The following KDM2A variants were observed in gnomAD, a reference collection of about 807,000 sequenced individuals.
The protein encoded by KDM2A is lysine-specific demethylase 2A.
In KDM2A, 3 loss-of-function variants were observed where a neutral mutation model predicts 137.3. The ratio of observed to expected loss-of-function variants is 0.02; its 90% confidence interval spans 0.01 to 0.06. The LOEUF (loss-of-function observed/expected upper bound fraction) is 0.06, where lower values mean the gene tolerates loss of function less well. Ranked by LOEUF, KDM2A falls within the 10% of genes least tolerant of loss-of-function variation. The pLI is 1.00. For missense variants in KDM2A, 738 were observed against 1,510.6 expected (o/e 0.49, Z 8.48); for synonymous variants, 512 against 541.5 (o/e 0.95, Z 0.76).
intron 5 of KDM2A, among the ~76,000 whole-genome samples, chr11:67,202,905 G>C (rs762897417): frequency 6.6e-6 from 1 of 151,916 alleles, no homozygotes; most frequent in Non-Finnish European, 1.5e-5. Flanking sequence ...TAAGGTGGAA[G>C]GATTACCAGA....
At chr11:67,233,121 T>C (rs1429496762) in intron 12 of KDM2A, among the ~76,000 whole-genome samples, 1 of 152,190 alleles carries the variant, frequency 6.6e-6, no homozygotes, top group African/African-American at 2.4e-5. Context: ...TTTAAATCAG[T>C]GTTTGGAACA....
intron 2 of KDM2A, among the ~76,000 whole-genome samples, chr11:67,143,619 T>TTTTATTTA (rs959623132): frequency 7.9e-5 from 12 of 151,956 alleles, no homozygotes; most frequent in Non-Finnish European, 1.8e-4. Flanking sequence ...GTCTTTCTCT[T>TTTTATTTA]TTTATTTATT....
intron 2 of KDM2A, among the ~76,000 whole-genome samples, chr11:67,131,734 C>G (rs1293300658): frequency 6.6e-6 from 1 of 152,076 alleles, no homozygotes; most frequent in African/African-American, 2.4e-5. Context: ...TTCTTGCTAA[C>G]GTCTGTCTGC....
rs1325478869 is a variant in KDM2A at position 67,250,678 on chromosome 11, G to T, written c.2648G>T (p.Ser883Ile). 1.2e-6 allele frequency: 2 copies of T among 1,603,770 alleles called. No individual in the cohort carries two copies. ...GGAARLNGRG[S>I]WAQDGDESWM... ...GCAGCCAGGCTGAATGGCCGGGGCA[G>T]TTGGGCTCAGGATGGAGACGAAAGC... Residue 883 changes from serine to isoleucine, a missense_variant, in exon 17 of 21, where the codon AGT becomes ATT. This residue lies in a region of KDM2A where 244 missense variants were observed against 324.6 expected (regional missense o/e 0.75). Coordinates refer to ENST00000529006, the MANE Select transcript of KDM2A (RefSeq NM_012308.3). The surrounding 1 kb of genome is among the most constrained non-coding windows in gnomAD (Gnocchi z 7.1).
chr11:67,226,788 G>A (rs1858559531), intron 10 of KDM2A, among the ~76,000 whole-genome samples: 1 of 152,128 alleles, frequency 6.6e-6, no homozygotes, highest in African/African-American at 2.4e-5. Flanking sequence ...AAAATTAAAT[G>A]AGCACTGGCC....
intron 2 of KDM2A, among the ~76,000 whole-genome samples, chr11:67,136,610 A>C (rs771597482): frequency 3.3e-5 from 5 of 152,216 alleles, no homozygotes; most frequent in Non-Finnish European, 5.9e-5. Flanking sequence ...TTGAGTGATC[A>C]GTGAAAGGCT....
At chr11:67,154,741 G>T (rs1298639969) in intron 2 of KDM2A, among the ~76,000 whole-genome samples, 3 of 152,032 alleles carry the variant, frequency 2.0e-5, no homozygotes, top group Non-Finnish European at 4.4e-5. Flanking sequence ...GCCCAGCCTG[G>T]GTGTTTCATG....
chr11:67,252,975 A>G, intron 18 of KDM2A, 118 bp downstream of exon 18: 1 of 1,122,044 alleles, frequency 8.9e-7, no homozygotes, highest in Non-Finnish European at 1.2e-6. Context: ...CAGCAGTCCC[A>G]TGCCATTGTT....
At chr11:67,157,141 G>A (rs182728854) in intron 2 of KDM2A, among the ~76,000 whole-genome samples, 5 of 151,514 alleles carry the variant, frequency 3.3e-5, no homozygotes, top group Admixed American at 2.0e-4. Flanking sequence ...GTGAAACCCC[G>A]TCTCTACTAA....
chr11:67,254,077 G>C lies in KDM2A; in HGVS notation c.3092-126G>C. On this transcript the variant is annotated intron_variant, in intron 19 of 20. Coordinates refer to ENST00000529006, the MANE Select transcript of KDM2A (RefSeq NM_012308.3). The surrounding 1 kb of genome is among the most constrained non-coding windows in gnomAD (Gnocchi z 4.7). ...GCTCACACCCTGAAGGCATGGCTGG[G>C]TGTGGGCAGTTCTACTTAACCCCTT... 1.4e-6 allele frequency: 1 copy of C among 727,856 alleles called. No homozygotes were observed. The highest frequency in any genetic ancestry group is 2.2e-6 in the Non-Finnish European group (1 of 446,184). The allele number at this position is 727,856 out of a possible 1,614,324, so 45.1% of individuals were successfully genotyped here.
chr11:67,145,635 G>A (rs1565376952), intron 2 of KDM2A, among the ~76,000 whole-genome samples: 3 of 151,744 alleles, frequency 2.0e-5, no homozygotes, highest in African/African-American at 7.3e-5. Context: ...AACAAAGACT[G>A]GACACCTGGT....
chr11:67,242,097 T>C (rs545477032), intron 12 of KDM2A, among the ~76,000 whole-genome samples: 1 of 152,266 alleles, frequency 6.6e-6, no homozygotes, highest in African/African-American at 2.4e-5. Flanking sequence ...AAAAAAAATA[T>C]ATTTGTTTCA....
intron 5 of KDM2A, among the ~76,000 whole-genome samples, chr11:67,197,664 T>C (rs77608813): frequency 2.6e-5 from 4 of 152,230 alleles, no homozygotes; most frequent in African/African-American, 9.6e-5. Flanking sequence ...TTGTAAACTT[T>C]CTGTGATAGG....
At chr11:67,188,580 C>T (rs2136346401) in intron 5 of KDM2A, among the ~76,000 whole-genome samples, 1 of 151,728 alleles carries the variant, frequency 6.6e-6, no homozygotes. Context: ...TGCTTAAGCC[C>T]AGGAGTTTGA....
chr11:67,251,696 T>C (rs537329518), intron 17 of KDM2A, among the ~76,000 whole-genome samples: 161 of 152,318 alleles, frequency 1.1e-3, no homozygotes, highest in Non-Finnish European at 1.5e-3. Flanking sequence ...CTCTGATGCA[T>C]GCTCGAGTTT....
chr11:67,188,407 G>A (rs1383062676), intron 5 of KDM2A, among the ~76,000 whole-genome samples: 1 of 151,438 alleles, frequency 6.6e-6, no homozygotes, highest in East Asian at 1.9e-4. Context: ...GCGTGAACCC[G>A]GGAGGTAGAG....
intron 12 of KDM2A, among the ~76,000 whole-genome samples, chr11:67,236,031 T>C (rs944144271): frequency 3.3e-5 from 5 of 152,222 alleles, no homozygotes; most frequent in Non-Finnish European, 7.3e-5. Context: ...TAAGAAAAAG[T>C]GTATGCGTAT....
At chr11:67,136,807 G>A (rs1425373979) in intron 2 of KDM2A, among the ~76,000 whole-genome samples, 1 of 152,146 alleles carries the variant, frequency 6.6e-6, no homozygotes, top group Non-Finnish European at 1.5e-5. Context: ...AGGGCGCTCT[G>A]GCTTACAGTA....
chr11:67,160,223 G>A (rs1243990210), intron 2 of KDM2A, among the ~76,000 whole-genome samples: 1 of 152,120 alleles, frequency 6.6e-6, no homozygotes, highest in East Asian at 1.9e-4. Context: ...TTTAGCAATT[G>A]CCATCAGTAG....
Sources: allele counts gnomAD v4.1 joint callset (sites outside exome capture counted in the v4.1 genomes callset), GRCh38; gene constraint gnomAD v4.1.1; regional missense constraint gnomAD v4.1.1; non-coding constraint Gnocchi (gnomAD v3.1); transcripts MANE v1.5; gene names NCBI Gene and HGNC (gene_info 2026-07-23, HGNC 2026-07-21).